PHTF1: variants seen among roughly 807,000 people sequenced by gnomAD.
PHTF1 encodes protein PHTF1.
Under a neutral mutation model 102.4 loss-of-function variants are expected in PHTF1, and 88 were observed. The observed-to-expected ratio is 0.86, with a 90% confidence interval of 0.72 to 1.03. The LOEUF is 1.03. PHTF1 is among the 50% of genes least tolerant of loss of function. The pLI, the probability that PHTF1 is intolerant of heterozygous loss-of-function variation, is 0.00. For missense variants in PHTF1, 814 were observed against 909.5 expected, an observed-to-expected ratio of 0.89 and a Z score of 1.35; for synonymous variants, 289 against 305.2, an observed-to-expected ratio of 0.95 and a Z score of 0.55.
chr1:113,738,299 A>G (rs531396169), intron 4 of PHTF1, 31 bp from the exon 5 acceptor site: 5 of 1,575,658 alleles, frequency 3.2e-6, no homozygotes, highest in Admixed American at 1.7e-5. Context: ...AAAACATCAA[A>G]CATTTATATA....
chr1:113,710,812 T>TATATA (rs67769017), intron 10 of PHTF1, among the ~76,000 whole-genome samples: 1,579 of 59,232 alleles, frequency 0.027, 15 homozygotes, highest in African/African-American at 0.067. Flanking sequence ...ATATATATAT[T>TATATA]TTTTTTTTTT....
At chr1:113,738,370 C>A in intron 4 of PHTF1, 102 bp from the exon 5 acceptor site, 6 of 790,674 alleles carry the variant, frequency 7.6e-6, no homozygotes, top group South Asian at 4.1e-5. Context: ...AAAATCAGCA[C>A]AAAACCTGTT....
intron 7 of PHTF1, among the ~76,000 whole-genome samples, chr1:113,716,342 C>CTTT (rs1180513920): frequency 9.4e-4 from 114 of 120,932 alleles, no homozygotes; most frequent in South Asian, 1.1e-3. Flanking sequence ...TTATTTTTCC[C>CTTT]TTTTTTTTTT....
intron 16 of PHTF1, chr1:113,700,254 A>G: frequency 1.5e-6 from 1 of 653,990 alleles, no homozygotes; most frequent in Non-Finnish European, 1.9e-6. Flanking sequence ...CTAAGACAAA[A>G]AAAAAACAGA....
At chr1:113,756,258 T>C (rs919422659) in intron 3 of PHTF1, among the ~76,000 whole-genome samples, 1 of 152,094 alleles carries the variant, frequency 6.6e-6, no homozygotes, top group African/African-American at 2.4e-5. Flanking sequence ...AATCACAAAA[T>C]AAAATCTGGA....
chr1:113,750,219 C>T (rs1657846556), intron 3 of PHTF1, among the ~76,000 whole-genome samples: 1 of 151,996 alleles, frequency 6.6e-6, no homozygotes, highest in South Asian at 2.1e-4. Context: ...CTCCCGGCCT[C>T]GAGCAAAAAC....
At chr1:113,712,360 C>A (rs1270337185) in intron 8 of PHTF1, among the ~76,000 whole-genome samples, 1 of 152,056 alleles carries the variant, frequency 6.6e-6, no homozygotes, top group African/African-American at 2.4e-5. Context: ...AAACTCTAAG[C>A]CTGAATCACA....
chr1:113,714,249 G>C (rs1432477913), intron 7 of PHTF1: 2 of 152,242 alleles, frequency 1.3e-5, no homozygotes, highest in East Asian at 3.9e-4. Context: ...GGAAAAGAGA[G>C]GGAAGAGTAA....
At chr1:113,722,969 T>C (rs954426106) in intron 7 of PHTF1, among the ~76,000 whole-genome samples, 2 of 144,602 alleles carry the variant, frequency 1.4e-5, no homozygotes, top group Admixed American at 6.9e-5. Flanking sequence ...TAAATAAAAA[T>C]AAAAATTATA....
In PHTF1 at chr1:113,706,088, T is replaced by C; in HGVS notation, c.1473A>G (p.Pro491=). Residue 491 remains proline (P), a synonymous_variant, in exon 13 of 19, where the codon CCA becomes CCG. Transcript: ENST00000369604. ...NVVTIGLAFF[P]FLHRLFREKS... ...TCTCACGGAAAAGTCGATGTAAGAA[T>C]GGAAAAAATGCTAATCCAATAGTGA... The C allele has an allele frequency of 1.2e-6, 2 of 1,614,046 alleles. No individual in the cohort carries two copies. Among genetic ancestry groups the C allele is most frequent in the Non-Finnish European group, 1.7e-6 (2 of 1,179,942 alleles).
chr1:113,738,920 C>T (rs1416900115), intron 3 of PHTF1, 121 bp from the exon 4 acceptor site: 3 of 553,404 alleles, frequency 5.4e-6, no homozygotes, highest in Non-Finnish European at 9.5e-6. Context: ...GGCGTGATCT[C>T]GGCTCACTGC....
In PHTF1 at chr1:113,711,046, G is replaced by T. The variant is rs567294500; in HGVS notation, c.1048-571C>A. Among the ~76,000 whole-genome samples, 8 of 152,072 alleles carry T rather than the reference G, an allele frequency of 5.3e-5. No individual in the cohort carries two copies. In the South Asian group the frequency reaches 1.7e-3, roughly 32 times the overall value. On this transcript the variant is annotated intron_variant, in intron 10 of 18. Coordinates refer to ENST00000369604, the MANE Select transcript of PHTF1 (RefSeq NM_001323043.2). Reference sequence around the variant, plus strand: ...CATGTTATGGAACTGATCAACTAAGGTGTTCTGGGAGGGGAGTGATTCCTG... The same window carrying T: ...CATGTTATGGAACTGATCAACTAAGTTGTTCTGGGAGGGGAGTGATTCCTG...
At chr1:113,758,768 C>A in intron 1 of PHTF1, 35 bp from the exon 2 acceptor site, 2 of 1,582,746 alleles carry the variant, frequency 1.3e-6, no homozygotes, top group South Asian at 1.1e-5. Flanking sequence ...GTGAGTCCAG[C>A]TGCTGAAGGT....
intron 3 of PHTF1, among the ~76,000 whole-genome samples, chr1:113,743,753 C>T (rs192805701): frequency 3.1e-4 from 47 of 152,234 alleles, no homozygotes; most frequent in Admixed American, 1.8e-3. Flanking sequence ...GGACCATTGT[C>T]GTATATGAGG....
chr1:113,699,365 G>A (rs1012999553), intron 17 of PHTF1: 13 of 425,712 alleles, frequency 3.1e-5, no homozygotes, highest in Admixed American at 1.1e-4. Flanking sequence ...CAACATAGCC[G>A]TTGTAGTCCT....
chr1:113,698,283 A>T lies in PHTF1; in HGVS notation c.2247T>A (p.Asp749Glu), dbSNP rs763935764. The part of the protein sequence containing the change: ...ILSAVSGVIS[D>E]LLGFNIRLWK... ...TTACTCTTATATTAAATCCTAGAAG[A>T]TCACTTATAACACCTGAGACAGCAG... The change falls in exon 18 of 19, where the codon GAT becomes GAA. Residue 749 changes from aspartate (D) to glutamate (E), a missense_variant. Physicochemically the swap from Asp to Glu is conservative, Grantham distance 45. Transcript: ENST00000369604. 1.1e-5 allele frequency: 18 copies of T among 1,608,650 alleles called. 1 individual carries two copies. The highest frequency in any genetic ancestry group is 8.5e-7 in the Non-Finnish European group (1 of 1,175,624).
intron 5 of PHTF1, among the ~76,000 whole-genome samples, chr1:113,734,847 A>C (rs1243356037): frequency 6.6e-6 from 1 of 152,166 alleles, no homozygotes; most frequent in East Asian, 1.9e-4. Flanking sequence ...CCACCATGTG[A>C]GGACACAGCA....
At chr1:113,703,969 A>C in intron 15 of PHTF1, 112 bp downstream of exon 15, 1 of 561,490 alleles carries the variant, frequency 1.8e-6, no homozygotes, top group Non-Finnish European at 3.2e-6. Context: ...ATAGTAAAAA[A>C]TGTAGATGCA....
chr1:113,745,108 C>T (rs1486998236), intron 3 of PHTF1, among the ~76,000 whole-genome samples: 3 of 151,748 alleles, frequency 2.0e-5, no homozygotes, highest in African/African-American at 7.3e-5. Flanking sequence ...ATGGTAAAAA[C>T]TAAAGTAAGT....
Sources: allele counts gnomAD v4.1 joint callset (sites outside exome capture counted in the v4.1 genomes callset), GRCh38; gene constraint gnomAD v4.1.1; transcripts MANE v1.5; gene names NCBI Gene and HGNC (gene_info 2026-07-23, HGNC 2026-07-21).